The following SYK variants were observed in gnomAD, a reference collection of about 807,000 sequenced individuals.
SYK encodes spleen associated tyrosine kinase, also known as tyrosine-protein kinase SYK.
SYK carries 16 observed loss-of-function variants against 77.8 expected under a neutral mutation model. The observed-to-expected ratio is 0.21, with a 90% CI of 0.14 to 0.31. SYK has a LOEUF of 0.31. SYK is among the 10% of genes least tolerant of loss of function. SYK has a pLI of 1.00. For synonymous variants in SYK, 312 were observed against 308.7 expected (o/e 1.01, Z -0.11); for missense variants, 529 against 814.4 (o/e 0.65, Z 4.26).
intron 13 of SYK, among the ~76,000 whole-genome samples, chr9:90,892,441 T>C (rs1188143464): frequency 6.6e-6 from 1 of 152,208 alleles, no homozygotes; most frequent in African/African-American, 2.4e-5. Flanking sequence ...GTTAGTCCTA[T>C]CCGAAACTAC....
chr9:90,817,088 A>G (rs541346752), intron 1 of SYK, among the ~76,000 whole-genome samples: 4 of 152,070 alleles, frequency 2.6e-5, no homozygotes, highest in African/African-American at 9.6e-5. Flanking sequence ...TGTTTTTTGC[A>G]ATTTTTTGTT....
chr9:90,858,305 G>A (rs1827121104), intron 3 of SYK, among the ~76,000 whole-genome samples: 1 of 152,240 alleles, frequency 6.6e-6, no homozygotes, highest in Admixed American at 6.5e-5. Context: ...GTCAAGGACT[G>A]TCTCAAGACC....
At chr9:90,860,392 A>G (rs1827208966) in intron 3 of SYK, among the ~76,000 whole-genome samples, 2 of 152,110 alleles carry the variant, frequency 1.3e-5, no homozygotes, top group African/African-American at 4.8e-5. Context: ...TCCCTATAAA[A>G]CAGACTCAGT....
intron 13 of SYK, among the ~76,000 whole-genome samples, chr9:90,891,842 G>A (rs549904363): frequency 4.6e-5 from 7 of 152,282 alleles, no homozygotes; most frequent in African/African-American, 1.4e-4. Context: ...AAGATGCAGG[G>A]GGTCCCTCAC....
At chr9:90,803,388 A>AT (rs150171917) in intron 1 of SYK, among the ~76,000 whole-genome samples, 3,954 of 151,674 alleles carry the variant, frequency 0.026, 185 homozygotes, top group African/African-American at 0.091. Flanking sequence ...TTGTGGGAAG[A>AT]TTTTTTTTTA....
chr9:90,843,944 T>C lies in SYK; in HGVS notation c.46T>C (p.Phe16Leu), dbSNP rs1021305539. 1 of 1,571,944 alleles carries C rather than the reference T, an allele frequency of 6.4e-7. No homozygotes were observed. Among genetic ancestry groups the C allele is most frequent in the Non-Finnish European group, 8.6e-7 (1 of 1,158,166 alleles). ...MADSANHLPF[F>L]FGNITREEAE... is the part of the protein sequence containing the mutation. ...TGACAGCGCCAACCACCTGCCCTTC[T>C]TTTTCGGCAACATCACCCGGGAGGA... The change falls in exon 2 of 14, where the codon TTT becomes CTT. Residue 16 changes from phenylalanine to leucine, a missense_variant. Physicochemically the swap from Phe to Leu is conservative, Grantham distance 22. Transcript: ENST00000375754.
At chr9:90,826,714 G>A (rs1825678316) in intron 1 of SYK, among the ~76,000 whole-genome samples, 1 of 152,164 alleles carries the variant, frequency 6.6e-6, no homozygotes, top group African/African-American at 2.4e-5. Context: ...CTTCTTGAGT[G>A]TGGAGGATGT....
chr9:90,824,011 A>AG (rs1419650596), intron 1 of SYK, among the ~76,000 whole-genome samples: 2 of 151,796 alleles, frequency 1.3e-5, no homozygotes, highest in Non-Finnish European at 3.0e-5. Flanking sequence ...CAAGAAAAAA[A>AG]AAAGAAAAAA....
At chr9:90,850,098 T>A (rs970566260) in intron 3 of SYK, among the ~76,000 whole-genome samples, 1 of 152,262 alleles carries the variant, frequency 6.6e-6, no homozygotes, top group African/African-American at 2.4e-5. Flanking sequence ...TTCCCTTCTC[T>A]TCTTCAGTCT....
chr9:90,878,033 A>T (rs937252286), intron 10 of SYK, among the ~76,000 whole-genome samples: 1 of 152,208 alleles, frequency 6.6e-6, no homozygotes, highest in Non-Finnish European at 1.5e-5. Context: ...GTAGTCATTC[A>T]GTCTTGGCCT....
intron 1 of SYK, among the ~76,000 whole-genome samples, chr9:90,807,024 T>A (rs1353259982): frequency 2.0e-5 from 3 of 152,234 alleles, no homozygotes; most frequent in Non-Finnish European, 4.4e-5. Context: ...CTTGCTCAAG[T>A]AAGTAAGCAT....
Position 90,844,302 on chromosome 9 carries a change from C to T in SYK, c.404C>T (p.Thr135Ile). 1 of 1,606,554 alleles carries T rather than the reference C, an allele frequency of 6.2e-7. No individual in the cohort carries two copies. Among genetic ancestry groups the T allele is most frequent in the East Asian group, 2.2e-5 (1 of 44,830 alleles). The part of the protein sequence containing the change: ...ENLIREYVKQ[T>I]WNLQGQALEQ... ...CTCATCAGGGAATATGTGAAGCAGA[C>T]ATGGAACCTGCAGGTGGGCCACAGC... The change falls in exon 2 of 14, where the codon ACA becomes ATA. Residue 135 changes from threonine to isoleucine, a missense_variant. Coordinates refer to ENST00000375754, the MANE Select transcript of SYK (RefSeq NM_003177.7).
chr9:90,884,249 A>G (rs1213066419), intron 11 of SYK, among the ~76,000 whole-genome samples: 3 of 56,676 alleles, frequency 5.3e-5, no homozygotes, highest in Non-Finnish European at 1.1e-4. Context: ...GTATATATAC[A>G]CATACACATA....
chr9:90,815,072 T>C (rs1192968473), intron 1 of SYK, among the ~76,000 whole-genome samples: 1 of 150,924 alleles, frequency 6.6e-6, no homozygotes, highest in Non-Finnish European at 1.5e-5. Flanking sequence ...AAAACCTTAG[T>C]GCTTGTTCCT....
rs1828972564 is a variant in SYK at position 90,896,086 on chromosome 9, G to A, written c.*486G>A. The A allele has an allele frequency of 1.7e-5, 4 of 233,760 alleles. No individual in the cohort carries two copies. The highest frequency in any genetic ancestry group is 8.8e-5 in the African/African-American group (4 of 45,280). 14.5% of individuals were successfully genotyped at this position (233,760 alleles called of 1,614,324 possible). ...TGGCTGCTTCTACGGCCATGAGACT[G>A]ATCCCTGGCCACTGAAAAGCTTTCC... On this transcript the variant is annotated 3_prime_UTR_variant, in exon 14 of 14. Transcript: ENST00000375754.
At position 90,878,302 on chromosome 9, in the gene SYK, G is replaced by A. The variant is rs547875866; in HGVS notation, c.1392-462G>A. Reference sequence around the variant, plus strand: ...TTGTTGAGATGAAGAAACTCACTTGGAGTAAGACAGAATGATGGCCACCGA... The same window carrying A: ...TTGTTGAGATGAAGAAACTCACTTGAAGTAAGACAGAATGATGGCCACCGA... On this transcript the variant is annotated intron_variant, in intron 10 of 13. Transcript: ENST00000375754. Among the ~76,000 whole-genome samples, 27 of 152,242 alleles carry A rather than the reference G, an allele frequency of 1.8e-4. 1 individual carries two copies. The South Asian group carries it at 5.6e-3, about 32-fold the overall frequency.
At chr9:90,884,188 C>CACACATAT (rs1828285034) in intron 11 of SYK, among the ~76,000 whole-genome samples, 11 of 107,112 alleles carry the variant, frequency 1.0e-4, no homozygotes, top group South Asian at 7.9e-4. Flanking sequence ...TGTATATATA[C>CACACATAT]ACACATACAC....
chr9:90,861,142 C>T (rs1024661947), intron 3 of SYK, among the ~76,000 whole-genome samples: 19 of 152,238 alleles, frequency 1.2e-4, no homozygotes, highest in African/African-American at 4.3e-4. Flanking sequence ...GCACCCATTT[C>T]GTGCCTTTTC....
At chr9:90,814,288 A>T (rs976505515) in intron 1 of SYK, among the ~76,000 whole-genome samples, 3 of 152,216 alleles carry the variant, frequency 2.0e-5, no homozygotes, top group Admixed American at 1.3e-4. Context: ...GCAGCTCATC[A>T]TGTTGGTCTC....
Sources: gnomAD v4.1 joint callset for allele counts (sites outside exome capture counted in the v4.1 genomes callset) on GRCh38, gnomAD v4.1.1 for gene constraint, MANE v1.5 for transcripts, NCBI Gene and HGNC (gene_info 2026-07-23, HGNC 2026-07-21) for gene names.